NCBP3: variants seen among roughly 807,000 people sequenced by gnomAD.
NCBP3 encodes nuclear cap-binding protein subunit 3.
In NCBP3, 20 loss-of-function variants were observed where a neutral mutation model predicts 75.7. That is an observed-to-expected ratio of 0.26 (90% CI 0.19 to 0.38). The LOEUF (loss-of-function observed/expected upper bound fraction) is 0.38. NCBP3 is among the 10% of genes least tolerant of loss of function. NCBP3 has a pLI of 1.00. For synonymous variants in NCBP3, 293 were observed against 290.5 expected, an observed-to-expected ratio of 1.01 and a Z score of -0.09; for missense variants, 678 against 796.9, an observed-to-expected ratio of 0.85 and a Z score of 1.80.
intron 3 of NCBP3, among the ~76,000 whole-genome samples, chr17:3,837,214 A>G (rs1323789124): frequency 1.4e-5 from 2 of 147,268 alleles, no homozygotes; most frequent in Non-Finnish European, 3.0e-5. Flanking sequence ...AAGAATAACT[A>G]TCAGCCGGGC....
At chr17:3,826,699 G>C (rs1367304071) in intron 4 of NCBP3, among the ~76,000 whole-genome samples, 5 of 129,868 alleles carry the variant, frequency 3.9e-5, no homozygotes, top group Non-Finnish European at 6.5e-5. Flanking sequence ...AGAAAGAGAA[G>C]GAAGGAAGGA....
chr17:3,842,453 A>G (rs2054082032), intron 2 of NCBP3, among the ~76,000 whole-genome samples: 1 of 152,148 alleles, frequency 6.6e-6, no homozygotes, highest in African/African-American at 2.4e-5. Flanking sequence ...TCTGCCAGGC[A>G]CTTTTCATGT....
At chr17:3,837,159 A>T (rs969995357) in intron 3 of NCBP3, among the ~76,000 whole-genome samples, 22 of 149,838 alleles carry the variant, frequency 1.5e-4, no homozygotes, top group African/African-American at 3.7e-4. Flanking sequence ...AAAAAAAAAT[A>T]AAAAATAAAA....
chr17:3,820,809 T>C (rs1002453442), intron 9 of NCBP3, among the ~76,000 whole-genome samples: 4 of 152,038 alleles, frequency 2.6e-5, no homozygotes, highest in Non-Finnish European at 5.9e-5. Context: ...CGCATGCCTG[T>C]AGTCCCAGCT....
chr17:3,824,363 CACATACACAT>C (rs1449512620), intron 7 of NCBP3: 2 of 151,388 alleles, frequency 1.3e-5, no homozygotes, highest in African/African-American at 4.9e-5. Flanking sequence ...CATACACACA[CACATACACAT>C]ACACACACAT....
intron 7 of NCBP3, chr17:3,822,799 A>T (rs1363595091): frequency 6.6e-6 from 1 of 152,256 alleles, no homozygotes; most frequent in Non-Finnish European, 1.5e-5. Context: ...ACAAACCAGT[A>T]TGTATAGCCC....
At position 3,806,584 on chromosome 17, in the gene NCBP3, TCTCAAGTTTTATGGATAGTG is replaced by T. The variant is rs1353502123; in HGVS notation, c.*6440_*6459del. On this transcript the variant is annotated 3_prime_UTR_variant, in exon 13 of 13. Transcript: ENST00000389005. ...TTGGTAGGTGAAATACCGCCTATAC[TCTCAAGTTTTATGGATAGTG>T]CAGCCAAATTCCACTCGGATGCCTC... The T allele has an allele frequency of 6.6e-6, 1 of 152,168 alleles. No homozygotes were observed. The highest frequency in any genetic ancestry group is 2.4e-5 in the African/African-American group (1 of 41,416). The allele number at this position is 152,168 out of a possible 1,614,324, so 9.4% of individuals were successfully genotyped here. A position where few individuals can be genotyped will look rare whatever the true frequency, so the allele number is the denominator to read the frequency against.
In NCBP3 at chr17:3,807,962, C is replaced by G; in HGVS notation, c.*5082G>C. On this transcript the variant is annotated 3_prime_UTR_variant, in exon 13 of 13. Coordinates refer to ENST00000389005, the MANE Select transcript of NCBP3 (RefSeq NM_001114118.3). ...GTACAGTGATTTGGCATTATACACA[C>G]ATTTCGCTTAAACACAATGGTATTT... The G allele has an allele frequency of 6.6e-6, 1 of 152,318 alleles. No homozygotes were observed. The highest frequency in any genetic ancestry group is 1.5e-5 in the Non-Finnish European group (1 of 68,040). 9.4% of individuals were successfully genotyped at this position (152,318 alleles called of 1,614,324 possible). A position where few individuals can be genotyped will look rare whatever the true frequency, so the allele number is the denominator to read the frequency against.
At chr17:3,838,083 A>C (rs543886471) in intron 3 of NCBP3, among the ~76,000 whole-genome samples, 5 of 152,358 alleles carry the variant, frequency 3.3e-5, no homozygotes, top group African/African-American at 1.2e-4. Flanking sequence ...GAAACTAACA[A>C]GGCTCAAGAA....
chr17:3,843,110 G>A lies in NCBP3; in HGVS notation c.225C>T (p.Ile75=), dbSNP rs765061346. The A allele has an allele frequency of 7.7e-6, 12 of 1,551,508 alleles. No homozygotes were observed. In the South Asian group the frequency reaches 9.5e-5, roughly 12 times the overall value. The stretch of plus-strand genomic sequence containing the variant: ...CCTTGGAGGTGACATCAATTCCAGT[G>A]ATGAAGCTGCCAGCCTTGTTTTCAT... ...RRYENKAGSF[I]TGIDVTSKEA... Residue 75 remains isoleucine (I), a synonymous_variant, in exon 2 of 13, where the codon ATC becomes ATT. Coordinates refer to ENST00000389005, the MANE Select transcript of NCBP3 (RefSeq NM_001114118.3).
Position 3,818,503 on chromosome 17 carries a change from T to C in NCBP3, c.1070A>G (p.Glu357Gly). Residue 357 changes from glutamate to glycine, a missense_variant, in exon 10 of 13, where the codon GAA (glutamate) becomes GGA (glycine). This residue lies in a region of NCBP3 where 365 missense variants were observed against 392.7 expected (regional missense o/e 0.93). Transcript: ENST00000389005. This position sits in a 1 kb window ranked among gnomAD's most constrained non-coding sequence, Gnocchi z 4.7. The part of the protein sequence containing the change: ...EEEEEEEEEE[E>G]EEDQDMDADD... ...TGCATCCATGTCCTGGTCTTCTTCT[T>C]CCTCTTCCTCTTCCTCCTCCTCCTC... The C allele has an allele frequency of 6.2e-7, 1 of 1,612,544 alleles. No homozygotes were observed. Among genetic ancestry groups the C allele is most frequent in the Non-Finnish European group, 8.5e-7 (1 of 1,179,816 alleles).
Position 3,812,118 on chromosome 17 carries a change from A to C in NCBP3, c.*926T>G, listed in dbSNP as rs2053427317. ...CAGACTATACAACTAGGAGCATTTA[A>C]AAATAATAAGACTCCTCTCTCTGCC... is the stretch of plus-strand genomic sequence containing the variant. On this transcript the variant is annotated 3_prime_UTR_variant, in exon 13 of 13. Transcript: ENST00000389005. 6.6e-6 allele frequency: 1 copy of C among 152,204 alleles called. No individual in the cohort carries two copies. Among genetic ancestry groups the C allele is most frequent in the Non-Finnish European group, 1.5e-5 (1 of 68,042 alleles). The allele number at this position is 152,204 out of a possible 1,614,324, so 9.4% of individuals were successfully genotyped here.
chr17:3,831,775 GA>G lies in NCBP3; in HGVS notation c.356-2408del, dbSNP rs1339337379. 2.5e-5 allele frequency among the ~76,000 whole-genome samples: 3 copies of G among 120,694 alleles called. 1 individual carries two copies. The highest frequency in any genetic ancestry group is 4.0e-5 in the Non-Finnish European group (2 of 50,072). 79.2% of individuals were successfully genotyped at this position (120,694 alleles called of 152,430 possible). Reference sequence around the variant, plus strand: ...TGGTTCATGGGTCCATAAGAAAATAGAAAGAACAAGATCTACTGTTTAACAG... The same window carrying G: ...TGGTTCATGGGTCCATAAGAAAATAGAAGAACAAGATCTACTGTTTAACAG... On this transcript the variant is annotated intron_variant, in intron 3 of 12. Coordinates refer to ENST00000389005, the MANE Select transcript of NCBP3 (RefSeq NM_001114118.3).
chr17:3,827,344 C>T lies in NCBP3; in HGVS notation c.482-1129G>A, dbSNP rs909199288. On this transcript the variant is annotated intron_variant, in intron 4 of 12. Coordinates refer to ENST00000389005, the MANE Select transcript of NCBP3 (RefSeq NM_001114118.3). ...TTGGATTGTCCTTTACACTACCGCC[C>T]CCTACAGGGAAGCCCTTTGCTGCTC... Among the ~76,000 whole-genome samples the T allele has an allele frequency of 2.6e-5, 4 of 152,194 alleles. No individual in the cohort carries two copies. The East Asian group carries it at 7.7e-4, about 29-fold the overall frequency.
At position 3,825,056 on chromosome 17, in the gene NCBP3, G is replaced by A; in HGVS notation, c.688-6C>T. On this transcript the variant is annotated splice_region_variant and splice_polypyrimidine_tract_variant and intron_variant, in intron 6 of 12. Transcript: ENST00000389005. ...ACCTGAGACAACGTATCCAACTTAAGAAAGAAGAGTATTTTTAATATAAAA... is the reference window on the plus strand; with the variant it reads ...ACCTGAGACAACGTATCCAACTTAAAAAAGAAGAGTATTTTTAATATAAAA... The A allele has an allele frequency of 7.0e-7, 1 of 1,429,422 alleles. No individual in the cohort carries two copies. Among genetic ancestry groups the A allele is most frequent in the South Asian group, 1.3e-5 (1 of 75,740 alleles). 88.5% of individuals were successfully genotyped at this position (1,429,422 alleles called of 1,614,324 possible). A position where few individuals can be genotyped will look rare whatever the true frequency, so the allele number is the denominator to read the frequency against.
rs548346373 is a variant in NCBP3 at position 3,843,453 on chromosome 17, C to A, written c.184-302G>T. Reference sequence around the variant, plus strand: ...CTCCCTATGTTGCCCAGGCTGGTCACCAACTCCTGGGCTAAAGCAGTCCTC... The same window carrying A: ...CTCCCTATGTTGCCCAGGCTGGTCAACAACTCCTGGGCTAAAGCAGTCCTC... On this transcript the variant is annotated intron_variant, in intron 1 of 12. Coordinates refer to ENST00000389005, the MANE Select transcript of NCBP3 (RefSeq NM_001114118.3). Among the ~76,000 whole-genome samples, 40 of 152,220 alleles carry A rather than the reference C, an allele frequency of 2.6e-4. No individual in the cohort carries two copies. In the South Asian group the frequency reaches 7.9e-3, roughly 30 times the overall value.
At position 3,843,242 on chromosome 17, in the gene NCBP3, C is replaced by CT. The variant is rs1491074086; in HGVS notation, c.184-92_184-91insA. ...GCCTGACATCTGCAGGTTCTTTTTT[C>CT]CTTTTTTTTTTTTTTTTGTTGGTGA... On this transcript the variant is annotated intron_variant, in intron 1 of 12. Coordinates refer to ENST00000389005, the MANE Select transcript of NCBP3 (RefSeq NM_001114118.3). The CT allele has an allele frequency of 1.2e-5, 11 of 904,536 alleles. No homozygotes were observed. In the African/African-American group the frequency reaches 2.3e-4, roughly 19 times the overall value. 56.0% of individuals were successfully genotyped at this position (904,536 alleles called of 1,614,324 possible). A position where few individuals can be genotyped will look rare whatever the true frequency, so the allele number is the denominator to read the frequency against.
intron 9 of NCBP3, among the ~76,000 whole-genome samples, chr17:3,820,650 T>C (rs146328181): frequency 1.0e-3 from 155 of 152,342 alleles, no homozygotes; most frequent in Non-Finnish European, 1.7e-3. Flanking sequence ...AAATTGTTTT[T>C]GGCTAGGCGC....
intron 1 of NCBP3, among the ~76,000 whole-genome samples, chr17:3,845,433 T>C (rs577032373): frequency 4.5e-4 from 69 of 152,264 alleles, no homozygotes; most frequent in African/African-American, 1.6e-3. Context: ...AGGATGTCTA[T>C]TGGTCGTCTG....
Sources: gnomAD v4.1 joint callset for allele counts (sites outside exome capture counted in the v4.1 genomes callset) on GRCh38, gnomAD v4.1.1 for gene constraint, gnomAD v4.1.1 regional missense constraint, Gnocchi (gnomAD v3.1) non-coding constraint, MANE v1.5 for transcripts, NCBI Gene and HGNC (gene_info 2026-07-23, HGNC 2026-07-21) for gene names.